The following RIMS2 variants were observed in gnomAD, a reference collection of about 807,000 sequenced individuals.
RIMS2 encodes the protein regulating synaptic membrane exocytosis protein 2.
A neutral mutation model predicts 174.4 loss-of-function variants in RIMS2; 59 were observed. The ratio of observed to expected loss-of-function variants is 0.34; its 90% CI spans 0.27 to 0.42. The LOEUF is 0.42. Among genes scored for constraint, RIMS2 ranks in the 10% least tolerant of loss-of-function variants. The pLI, the probability that RIMS2 is intolerant of heterozygous loss-of-function variation, is 1.00. For synonymous variants in RIMS2, 606 were observed against 572.5 expected (o/e 1.06, Z -0.84); for missense variants, 1,620 against 1,666.3 (o/e 0.97, Z 0.48).
rs1843003186 is a variant in RIMS2, at chr8:103,542,541, A to T, written c.176+41479A>T. Among the ~76,000 whole-genome samples, 4 of 152,226 alleles carry T rather than the reference A, an allele frequency of 2.6e-5. No individual in the cohort carries two copies. The South Asian group carries it at 8.3e-4, about 31-fold the overall frequency. On this transcript the variant is annotated intron_variant, in intron 1 of 23. Coordinates refer to ENST00000504942, the Ensembl canonical transcript of RIMS2. The stretch of plus-strand genomic sequence containing the variant: ...GCCAGACAAGGACACTAAGAAAGTA[A>T]GAATTTCTTAAAATTTTTAATTACA...
intron 1 of RIMS2, among the ~76,000 whole-genome samples, chr8:103,692,460 G>C (rs1439047098): frequency 6.6e-6 from 1 of 152,166 alleles, no homozygotes; most frequent in African/African-American, 2.4e-5. Context: ...TTTTCCACAA[G>C]CAGTGAAGTC....
At chr8:103,578,644 C>G (rs189178506) in intron 1 of RIMS2, among the ~76,000 whole-genome samples, 38 of 152,236 alleles carry the variant, frequency 2.5e-4, no homozygotes, top group Middle Eastern at 6.8e-3. Flanking sequence ...ATCATACATT[C>G]CAGGAGGGGA....
At chr8:103,803,591 C>G (rs976401234) in intron 3 of RIMS2, among the ~76,000 whole-genome samples, 2 of 152,126 alleles carry the variant, frequency 1.3e-5, no homozygotes, top group Admixed American at 1.3e-4. Flanking sequence ...TTACCCTTCC[C>G]TTGGGTATGT....
Position 104,088,984 on chromosome 8 carries a change from A to G in RIMS2, c.3334+74369A>G, listed in dbSNP as rs946298641. Among the ~76,000 whole-genome samples, 5 of 151,940 alleles carry G rather than the reference A, an allele frequency of 3.3e-5. No individual in the cohort carries two copies. The South Asian group carries it at 1.0e-3, about 31-fold the overall frequency. ...AGAGTCTGGAACATCCTGAAGAATA[A>G]TCATTTCCTGTAAATTTTTCTAGTT... On this transcript the variant is annotated intron_variant, in intron 19 of 23. Transcript: ENST00000504942.
intron 1 of RIMS2, among the ~76,000 whole-genome samples, chr8:103,655,993 T>C (rs979976079): frequency 2.0e-5 from 3 of 152,136 alleles, no homozygotes; most frequent in South Asian, 4.1e-4. Flanking sequence ...GAGAGAGCAA[T>C]GGAAGAGGCC....
intron 1 of RIMS2, among the ~76,000 whole-genome samples, chr8:103,596,115 A>G (rs1276245862): frequency 1.3e-5 from 2 of 151,984 alleles, no homozygotes; most frequent in Non-Finnish European, 1.5e-5. Context: ...AACAACTTTT[A>G]TGTACTTCTT....
At chr8:103,726,732 T>A (rs1481696672) in intron 2 of RIMS2, among the ~76,000 whole-genome samples, 1 of 147,258 alleles carries the variant, frequency 6.8e-6, no homozygotes, top group Non-Finnish European at 1.5e-5. Context: ...ATATTAATTA[T>A]ATATATATAT....
chr8:103,549,852 CAAAGATCA>C (rs1361605581), intron 1 of RIMS2, among the ~76,000 whole-genome samples: 4 of 151,950 alleles, frequency 2.6e-5, no homozygotes, highest in Non-Finnish European at 5.9e-5. Context: ...TTTAAACCCA[CAAAGATCA>C]AAAGAGACAA....
At chr8:104,119,760 T>G (rs2098342014) in intron 19 of RIMS2, among the ~76,000 whole-genome samples, 1 of 152,152 alleles carries the variant, frequency 6.6e-6, no homozygotes. Context: ...GAGGGCCAAT[T>G]TACTATTCTT....
intron 19 of RIMS2, among the ~76,000 whole-genome samples, chr8:104,211,842 G>T (rs1392938618): frequency 6.6e-6 from 1 of 152,146 alleles, no homozygotes; most frequent in Non-Finnish European, 1.5e-5. Flanking sequence ...AGTCCTAGCT[G>T]CTTTATGAGG....
chr8:103,506,749 A>G (rs981490994), intron 1 of RIMS2, among the ~76,000 whole-genome samples: 2 of 152,170 alleles, frequency 1.3e-5, no homozygotes, highest in Admixed American at 6.5e-5. Flanking sequence ...AAAATATGCC[A>G]GGAGGGCTTT....
chr8:103,605,751 T>G (rs1012690257), intron 1 of RIMS2, among the ~76,000 whole-genome samples: 57 of 152,190 alleles, frequency 3.7e-4, no homozygotes, highest in African/African-American at 1.3e-3. Context: ...GTCGAGGAAT[T>G]TATCCATTTC....
At chr8:103,600,838 T>A (rs2094701500) in intron 1 of RIMS2, among the ~76,000 whole-genome samples, 1 of 152,178 alleles carries the variant, frequency 6.6e-6, no homozygotes. Context: ...TTCCCTTTTT[T>A]TTCACATCCT....
intron 3 of RIMS2, among the ~76,000 whole-genome samples, chr8:103,771,066 T>C (rs777110451): frequency 3.9e-5 from 6 of 152,208 alleles, no homozygotes; most frequent in Non-Finnish European, 8.8e-5. Context: ...TTTAAATGAC[T>C]TGTTATTTCT....
At chr8:104,148,556 T>A in intron 19 of RIMS2, 51 bp from the exon 25 acceptor site, 1 of 1,512,586 alleles carries the variant, frequency 6.6e-7, no homozygotes, top group Non-Finnish European at 8.9e-7. Flanking sequence ...GCATTTTCTG[T>A]CTTTTCCTTT....
intron 2 of RIMS2, among the ~76,000 whole-genome samples, chr8:103,754,609 G>T (rs1308152426): frequency 6.6e-6 from 1 of 152,150 alleles, no homozygotes; most frequent in African/African-American, 2.4e-5. Context: ...GAATCTGGGT[G>T]ATCCTGTATT....
At chr8:103,525,766 A>C (rs373285762) in intron 1 of RIMS2, among the ~76,000 whole-genome samples, 136 of 152,292 alleles carry the variant, frequency 8.9e-4, no homozygotes, top group African/African-American at 3.1e-3. Flanking sequence ...GATCTCTTTT[A>C]ATAATATCTT....
intron 3 of RIMS2, among the ~76,000 whole-genome samples, chr8:103,823,641 G>C (rs1593181253): frequency 6.6e-6 from 1 of 151,984 alleles, no homozygotes; most frequent in East Asian, 1.9e-4. Context: ...AGTTTTTCCT[G>C]TAGCATTTAT....
intron 1 of RIMS2, among the ~76,000 whole-genome samples, chr8:103,524,248 A>G (rs908998620): frequency 7.9e-5 from 12 of 152,098 alleles, no homozygotes; most frequent in Non-Finnish European, 1.2e-4. Flanking sequence ...AAGAGAGAGT[A>G]TAGAGAATTG....
Sources: gnomAD v4.1 joint callset for allele counts (sites outside exome capture counted in the v4.1 genomes callset) on GRCh38, gnomAD v4.1.1 for gene constraint, MANE v1.5 for transcripts, NCBI Gene and HGNC (gene_info 2026-07-23, HGNC 2026-07-21) for gene names.